Variants in HS1BP3 observed in about 807,000 individuals in gnomAD.
HS1BP3 encodes the protein HCLS1-binding protein 3.
HS1BP3 carries 32 observed loss-of-function variants against 33.5 expected under a neutral mutation model. The observed-to-expected ratio is 0.95, with a 90% CI of 0.72 to 1.28. The LOEUF (loss-of-function observed/expected upper bound fraction) is 1.28, where lower values mean the gene tolerates loss of function less well. Among genes scored for constraint, HS1BP3 ranks in the 50% most tolerant of loss-of-function variants. The pLI, the probability that HS1BP3 is intolerant of heterozygous loss-of-function variation, is 0.00. For synonymous variants in HS1BP3, 187 were observed against 209.2 expected (o/e 0.89, Z 0.92); for missense variants, 486 against 502.3 (o/e 0.97, Z 0.31).
chr2:20,602,767 G>A (rs534392890), intron 2 of HS1BP3, among the ~76,000 whole-genome samples: 31 of 152,282 alleles, frequency 2.0e-4, no homozygotes, highest in African/African-American at 6.5e-4. Flanking sequence ...GTGCTTCAAA[G>A]GCCACTATCA....
rs780939792 is a variant in HS1BP3, at chr2:20,638,489, A to T, written c.570T>A (p.Asp190Glu). ...CCTCCTCCTCCAAGGATTCCTCAGC[A>T]TCCTCGCCCTTCAGGCTCTGGACGG... is the stretch of plus-strand genomic sequence containing the variant. ...GPPVQSLKGE[D>E]AEESLEEEEA... Residue 190 changes from aspartate (D) to glutamate (E), a missense_variant, in exon 4 of 7, where the codon GAT (aspartate) becomes GAA (glutamate). Physicochemically the swap from Asp to Glu is conservative, Grantham distance 45. Coordinates refer to ENST00000304031, the MANE Select transcript of HS1BP3 (RefSeq NM_022460.4). The T allele has an allele frequency of 1.2e-6, 2 of 1,614,248 alleles. No individual in the cohort carries two copies. The highest frequency in any genetic ancestry group is 1.7e-6 in the Non-Finnish European group (2 of 1,180,040).
At chr2:20,607,851 A>AT (rs1694231627) in intron 2 of HS1BP3, among the ~76,000 whole-genome samples, 1 of 152,222 alleles carries the variant, frequency 6.6e-6, no homozygotes, top group South Asian at 2.1e-4. Flanking sequence ...GATTACTGTC[A>AT]TTTTAACAAT....
Position 20,568,212 on chromosome 2 carries a change from G to C in HS1BP3, c.303-7697C>G, listed in dbSNP as rs544630326. Among the ~76,000 whole-genome samples the C allele has an allele frequency of 2.0e-5, 3 of 152,312 alleles. No homozygotes were observed. In the South Asian group the frequency reaches 6.2e-4, roughly 32 times the overall value. On this transcript the variant is annotated intron_variant, in intron 5 of 5. Coordinates refer to the HS1BP3 transcript ENST00000446825. ...TCACAGGAGGAGAAAGGTGGTGCTG[G>C]GGGGTGCGGGGTAGGGGGCTGCAGT...
chr2:20,566,234 C>G (rs1439268742), intron 5 of HS1BP3, among the ~76,000 whole-genome samples: 1 of 152,234 alleles, frequency 6.6e-6, no homozygotes, highest in African/African-American at 2.4e-5. Flanking sequence ...CAAGATGTTT[C>G]CCCTATAACT....
intron 2 of HS1BP3, among the ~76,000 whole-genome samples, chr2:20,643,368 C>T (rs951042313): frequency 5.9e-5 from 9 of 152,140 alleles, no homozygotes; most frequent in African/African-American, 1.4e-4. Flanking sequence ...CCTTCATGCC[C>T]CGCAACATCA....
downstream of HS1BP3, among the ~76,000 whole-genome samples, chr2:20,587,724 C>T (rs755426654): frequency 1.3e-5 from 2 of 151,340 alleles, no homozygotes; most frequent in African/African-American, 2.4e-5. Context: ...CCAGCCTGGG[C>T]GACAGAGCGA....
intron 5 of HS1BP3, among the ~76,000 whole-genome samples, chr2:20,581,537 A>G (rs941400858): frequency 5.9e-5 from 9 of 152,032 alleles, no homozygotes; most frequent in Admixed American, 5.9e-4. Context: ...TTTAGTTGAG[A>G]CAGGGTTTCA....
At chr2:20,579,514 TCAGAGAAAC>T (rs1693482243) in intron 5 of HS1BP3, among the ~76,000 whole-genome samples, 4 of 152,330 alleles carry the variant, frequency 2.6e-5, no homozygotes, top group African/African-American at 7.2e-5. Flanking sequence ...CTTCCGGCCC[TCAGAGAAAC>T]CAGACACAGA....
downstream of HS1BP3, among the ~76,000 whole-genome samples, chr2:20,592,142 C>T (rs912140189): frequency 0.014 from 1 of 70 alleles, no homozygotes; most frequent in Non-Finnish European, 0.026. Flanking sequence ...CACATACGTG[C>T]CCTGCTGCTG....
intron 3 of HS1BP3, among the ~76,000 whole-genome samples, chr2:20,594,134 T>G (rs1303680072): frequency 6.6e-6 from 1 of 152,244 alleles, no homozygotes; most frequent in African/African-American, 2.4e-5. Context: ...CTCAGATGGC[T>G]CTGGCTGTGC....
At chr2:20,610,096 A>T (rs1049139709) in intron 2 of HS1BP3, among the ~76,000 whole-genome samples, 9 of 152,126 alleles carry the variant, frequency 5.9e-5, no homozygotes, top group African/African-American at 1.9e-4. Flanking sequence ...GCACAATTGA[A>T]CAGAGAGTAC....
At chr2:20,603,720 G>A (rs1389960483) in intron 2 of HS1BP3, among the ~76,000 whole-genome samples, 1 of 152,228 alleles carries the variant, frequency 6.6e-6, no homozygotes, top group Non-Finnish European at 1.5e-5. Context: ...CCTTAAGTGA[G>A]TGAATTATAT....
rs1694517394 is a variant in HS1BP3 at position 20,619,190 on chromosome 2, G to T, written c.976C>A (p.Pro326Thr). ...ACTGGTGGCTTGGGCTTAAGCTGGG[G>T]CTTGGGTTTGGGCTCAGCTCCCAGG... The part of the protein sequence containing the change: ...LNLGAEPKPK[P>T]QLKPKPPVAA... The change falls in exon 7 of 7, where the codon CCC becomes ACC. Residue 326 changes from proline (P) to threonine (T), a missense_variant. Coordinates refer to ENST00000304031, the MANE Select transcript of HS1BP3 (RefSeq NM_022460.4). 2 of 1,613,846 alleles carry T rather than the reference G, an allele frequency of 1.2e-6. No homozygotes were observed. Among genetic ancestry groups the T allele is most frequent in the African/African-American group, 1.3e-5 (1 of 74,930 alleles).
At chr2:20,561,811 G>A (rs995397096) in intron 5 of HS1BP3, among the ~76,000 whole-genome samples, 4 of 152,152 alleles carry the variant, frequency 2.6e-5, no homozygotes, top group Admixed American at 6.5e-5. Flanking sequence ...CTAATGAGAT[G>A]ACTGGTGACT....
chr2:20,582,951 G>C (rs1285732684), intron 5 of HS1BP3, among the ~76,000 whole-genome samples: 1 of 152,070 alleles, frequency 6.6e-6, no homozygotes, highest in Non-Finnish European at 1.5e-5. Context: ...CCAACCCTCT[G>C]CCACTTACCA....
At chr2:20,598,854 G>A (rs1211125032) in intron 2 of HS1BP3, among the ~76,000 whole-genome samples, 2 of 152,156 alleles carry the variant, frequency 1.3e-5, no homozygotes, top group East Asian at 1.9e-4. Context: ...CACCGCGCCC[G>A]GCCGGTACTT....
chr2:20,561,014 C>A (rs1278109409), intron 5 of HS1BP3, among the ~76,000 whole-genome samples: 3 of 152,188 alleles, frequency 2.0e-5, no homozygotes, highest in Non-Finnish European at 2.9e-5. Context: ...CCAGAGAGAG[C>A]AGCCAGTACA....
intron 2 of HS1BP3, among the ~76,000 whole-genome samples, chr2:20,601,864 C>T (rs539242818): frequency 3.5e-5 from 5 of 142,716 alleles, no homozygotes; most frequent in South Asian, 4.5e-4. Flanking sequence ...CTGCAAGCTC[C>T]GCCTTCCAGG....
At chr2:20,615,249 T>C (rs1485285236), downstream of HS1BP3, among the ~76,000 whole-genome samples, 1 of 152,214 alleles carries the variant, frequency 6.6e-6, no homozygotes, top group Non-Finnish European at 1.5e-5. Flanking sequence ...TGAGGGGATA[T>C]CACACAGCCA....
Sources: allele counts gnomAD v4.1 joint callset (sites outside exome capture counted in the v4.1 genomes callset), GRCh38; gene constraint gnomAD v4.1.1; transcripts MANE v1.5; gene names NCBI Gene and HGNC (gene_info 2026-07-23, HGNC 2026-07-21).